Variants in TRDN observed in about 807,000 individuals in gnomAD.
TRDN encodes triadin, also known as triadin in skeletal muscle.
TRDN carries 161 observed loss-of-function variants against 149.7 expected under a neutral mutation model. That is an observed-to-expected ratio of 1.08 (90% CI 0.95 to 1.23). The LOEUF (loss-of-function observed/expected upper bound fraction) is 1.23. Ranked by LOEUF, TRDN falls within the 50% of genes most tolerant of loss-of-function variation. The pLI, the probability that TRDN is intolerant of heterozygous loss-of-function variation, is 0.00. For missense variants in TRDN, 896 were observed against 823.5 expected (o/e 1.09, Z -1.08); for synonymous variants, 294 against 250.5 (o/e 1.17, Z -1.64).
rs1781599358 is a variant in TRDN, at chr6:123,555,450, C to G, written c.233-6838G>C. Reference sequence around the variant, plus strand: ...ACCTTTATTCCTCTGTATTTAACCCCTAAGATGAGTTTATATCCTGCCAGT... The same window carrying G: ...ACCTTTATTCCTCTGTATTTAACCCGTAAGATGAGTTTATATCCTGCCAGT... On this transcript the variant is annotated intron_variant, in intron 2 of 40. Coordinates refer to ENST00000334268, the MANE Select transcript of TRDN (RefSeq NM_006073.4). 3.9e-5 allele frequency among the ~76,000 whole-genome samples: 6 copies of G among 152,074 alleles called. No individual in the cohort carries two copies. In the South Asian group the frequency reaches 1.2e-3, roughly 32 times the overall value.
intron 21 of TRDN, chr6:123,351,477 C>T (rs1016177861): frequency 1.0e-6 from 1 of 983,976 alleles, no homozygotes; most frequent in Admixed American, 6.2e-5. Context: ...GAAACATCTA[C>T]TGAACTGTAA....
At chr6:123,517,931 A>G (rs1779491050) in intron 5 of TRDN, among the ~76,000 whole-genome samples, 4 of 152,096 alleles carry the variant, frequency 2.6e-5, no homozygotes, top group Admixed American at 1.3e-4. Context: ...TAGGGGCTAC[A>G]TCATATTTAT....
chr6:123,245,478 A>G (rs1776138832), intron 38 of TRDN, among the ~76,000 whole-genome samples: 2 of 152,178 alleles, frequency 1.3e-5, no homozygotes, highest in African/African-American at 4.8e-5. Context: ...TACACCAACA[A>G]AGATGAAAAG....
chr6:123,228,053 G>T (rs1419354809), intron 38 of TRDN, among the ~76,000 whole-genome samples: 3 of 147,610 alleles, frequency 2.0e-5, no homozygotes, highest in Middle Eastern at 3.4e-3. Flanking sequence ...CTATATCAGG[G>T]CCTCTTGAAA....
intron 21 of TRDN, chr6:123,351,926 C>G (rs1237395946): frequency 1.0e-6 from 1 of 984,302 alleles, no homozygotes; most frequent in African/African-American, 1.8e-5. Flanking sequence ...TAGCATTTTT[C>G]TCAAGCAGAG....
Position 123,393,501 on chromosome 6 carries a change from T to C in TRDN, c.1105+123A>G, listed in dbSNP as rs972108243. On this transcript the variant is annotated intron_variant, in intron 13 of 40. Transcript: ENST00000334268. ...TGAACTGTGTATTTTCATTCAACAATATTTTTTTTGCAATATCCCAGCAGA... is the reference window on the plus strand; with the variant it reads ...TGAACTGTGTATTTTCATTCAACAACATTTTTTTTGCAATATCCCAGCAGA... 24 of 836,250 alleles carry C rather than the reference T, an allele frequency of 2.9e-5. No homozygotes were observed. In the African/African-American group the frequency reaches 3.7e-4, roughly 13 times the overall value. The allele number at this position is 836,250 out of a possible 1,614,324, so 51.8% of individuals were successfully genotyped here. A position where few individuals can be genotyped will look rare whatever the true frequency, so the allele number is the denominator to read the frequency against.
intron 9 of TRDN, among the ~76,000 whole-genome samples, chr6:123,473,796 T>C (rs1336953760): frequency 1.3e-5 from 2 of 151,988 alleles, no homozygotes; most frequent in Admixed American, 6.6e-5. Context: ...TATTCAACAT[T>C]CTTAAAGAAA....
intron 10 of TRDN, among the ~76,000 whole-genome samples, chr6:123,443,698 A>G (rs1775092837): frequency 6.6e-6 from 1 of 151,342 alleles, no homozygotes; most frequent in Non-Finnish European, 1.5e-5. Flanking sequence ...ATTTTTGTAT[A>G]AGGTGTAAGG....
intron 22 of TRDN, among the ~76,000 whole-genome samples, chr6:123,332,708 T>C (rs1387775590): frequency 6.6e-6 from 1 of 152,088 alleles, no homozygotes; most frequent in Non-Finnish European, 1.5e-5. Context: ...TTTAATGCAA[T>C]TATAAGGGAA....
intron 24 of TRDN, among the ~76,000 whole-genome samples, chr6:123,313,724 C>T (rs1778917607): frequency 6.6e-6 from 1 of 151,982 alleles, no homozygotes; most frequent in Admixed American, 6.6e-5. Context: ...ACACCTACAA[C>T]TATCTGATCT....
At chr6:123,368,685 T>C (rs1781207253) in intron 19 of TRDN, among the ~76,000 whole-genome samples, 1 of 152,182 alleles carries the variant, frequency 6.6e-6, no homozygotes, top group African/African-American at 2.4e-5. Flanking sequence ...TCCAACTATA[T>C]TTGTACCCTC....
In TRDN at chr6:123,274,656, T is replaced by C. The variant is rs774550097; in HGVS notation, c.1582A>G (p.Lys528Glu). 4.4e-6 allele frequency: 7 copies of C among 1,608,656 alleles called. No homozygotes were observed. The highest frequency in any genetic ancestry group is 5.9e-6 in the Non-Finnish European group (7 of 1,177,178). Reference protein sequence around the residue: ...KEEKPEPQIKKEAKPAISEKV... With the variant: ...KEEKPEPQIKEEAKPAISEKV... ...CTCATGTTACCTGGTTTTGCTTCTT[T>C]TTTAATTTGGGGCTCTGAGGGAGAG... Residue 528 changes from lysine (K) to glutamate (E), a missense_variant, in exon 27 of 41, where the codon AAA becomes GAA. Physicochemically the swap from Lys to Glu is moderately conservative, Grantham distance 56 (BLOSUM62 1). Transcript: ENST00000334268.
intron 12 of TRDN, among the ~76,000 whole-genome samples, chr6:123,412,637 C>A (rs1773489707): frequency 6.6e-6 from 1 of 152,084 alleles, no homozygotes; most frequent in Non-Finnish European, 1.5e-5. Flanking sequence ...AAGCAAGATG[C>A]CTGATCATCA....
intron 14 of TRDN, among the ~76,000 whole-genome samples, chr6:123,385,597 T>C (rs1285995157): frequency 1.3e-5 from 2 of 152,126 alleles, no homozygotes; most frequent in East Asian, 1.9e-4. Context: ...TTTTGCTTTG[T>C]TTTTCAGCAT....
chr6:123,219,905 A>G (rs1196217943), intron 40 of TRDN, among the ~76,000 whole-genome samples: 1 of 151,828 alleles, frequency 6.6e-6, no homozygotes, highest in Non-Finnish European at 1.5e-5. Flanking sequence ...AGGGCCCATC[A>G]ATGACAGGCT....
At chr6:123,401,518 T>A (rs1259622894) in intron 12 of TRDN, among the ~76,000 whole-genome samples, 3 of 152,214 alleles carry the variant, frequency 2.0e-5, no homozygotes, top group African/African-American at 7.2e-5. Context: ...ATAAGGCATC[T>A]ATATTACCTA....
intron 23 of TRDN, among the ~76,000 whole-genome samples, chr6:123,325,662 G>A (rs1173847493): frequency 1.3e-5 from 2 of 151,994 alleles, no homozygotes; most frequent in African/African-American, 2.4e-5. Flanking sequence ...TTTAAAACTG[G>A]AACTTTGGGG....
intron 4 of TRDN, among the ~76,000 whole-genome samples, chr6:123,537,111 T>C (rs1780590198): frequency 6.6e-6 from 1 of 152,152 alleles, no homozygotes; most frequent in East Asian, 1.9e-4. Context: ...ATGCCTATAA[T>C]AAAATGTTAA....
At chr6:123,477,246 A>G (rs1320333384) in intron 9 of TRDN, among the ~76,000 whole-genome samples, 6 of 126,860 alleles carry the variant, frequency 4.7e-5, no homozygotes, top group African/African-American at 1.2e-4. Flanking sequence ...AAAAGTGGGC[A>G]AAGGACATGA....
Sources: allele counts gnomAD v4.1 joint callset (sites outside exome capture counted in the v4.1 genomes callset), GRCh38; gene constraint gnomAD v4.1.1; transcripts MANE v1.5; gene names NCBI Gene and HGNC (gene_info 2026-07-23, HGNC 2026-07-21).